Variants in ANKRD42 observed in about 807,000 individuals in gnomAD.
ANKRD42 encodes ankyrin repeat domain-containing protein 42.
In ANKRD42, 43 loss-of-function variants were observed where a neutral mutation model predicts 51.5. The ratio of observed to expected loss-of-function variants is 0.83; its 90% CI spans 0.65 to 1.08. The LOEUF (loss-of-function observed/expected upper bound fraction) is 1.08. Among genes scored for constraint, ANKRD42 ranks in the 50% least tolerant of loss-of-function variants. ANKRD42 has a pLI of 0.00. For synonymous variants in ANKRD42, 203 were observed against 213.0 expected (o/e 0.95, Z 0.41); for missense variants, 608 against 629.3 (o/e 0.97, Z 0.36).
intron 2 of ANKRD42, among the ~76,000 whole-genome samples, chr11:83,205,269 AAATG>A (rs541183493): frequency 1.0e-3 from 156 of 152,368 alleles, no homozygotes; most frequent in Admixed American, 2.5e-3. Context: ...ATTGTTGAAT[AAATG>A]AATGACTTAC....
chr11:83,231,938 A>G (rs1362466039), intron 7 of ANKRD42, among the ~76,000 whole-genome samples: 2 of 151,986 alleles, frequency 1.3e-5, no homozygotes, highest in Non-Finnish European at 2.9e-5. Context: ...AATCCCAGCT[A>G]TTGGTCTATG....
downstream of ANKRD42, among the ~76,000 whole-genome samples, chr11:83,263,189 G>A (rs1439502954): frequency 9.2e-5 from 14 of 152,104 alleles, no homozygotes. Flanking sequence ...GAGTCACATA[G>A]TGCTATCTAA....
rs986014738 is a variant in ANKRD42, at chr11:83,194,021, G to A, written c.-650G>A. The A allele has an allele frequency of 2.2e-6, 1 of 456,442 alleles. No homozygotes were observed. 28.3% of individuals were successfully genotyped at this position (456,442 alleles called of 1,614,324 possible). A position where few individuals can be genotyped will look rare whatever the true frequency, so the allele number is the denominator to read the frequency against. On this transcript the variant is annotated 5_prime_UTR_variant, in exon 1 of 11. In the 5' UTR this introduces an upstream ATG that the reference lacks. Transcript: ENST00000533342. ...AGTGCAGACGCCGGCTTCTCCCGCA[G>A]TGACTTGAGAAGGGTCAGTGAAAAC...
intron 2 of ANKRD42, 29 bp from the exon 3 acceptor site, chr11:83,206,029 A>C (rs1862056279): frequency 6.4e-7 from 1 of 1,570,218 alleles, no homozygotes; most frequent in African/African-American, 1.4e-5. Flanking sequence ...CATCCACTTT[A>C]TCACTTGTTA....
At chr11:83,212,603 G>T in intron 5 of ANKRD42, 2 of 1,379,062 alleles carry the variant, frequency 1.5e-6, no homozygotes. Context: ...ACACAAAGGG[G>T]AAGGGCAGAA....
chr11:83,210,690 C>G (rs898020778), intron 4 of ANKRD42, among the ~76,000 whole-genome samples: 1 of 152,152 alleles, frequency 6.6e-6, no homozygotes, highest in African/African-American at 2.4e-5. Flanking sequence ...GGTTAGATTA[C>G]GAAGCTTCAA....
intron 1 of ANKRD42, among the ~76,000 whole-genome samples, chr11:83,195,361 T>G (rs912248403): frequency 1.4e-4 from 21 of 152,248 alleles, no homozygotes; most frequent in African/African-American, 4.8e-4. Context: ...TAATGACAAG[T>G]GAGATCAGTG....
intron 7 of ANKRD42, among the ~76,000 whole-genome samples, chr11:83,228,112 A>G (rs1471539939): frequency 1.3e-5 from 2 of 152,040 alleles, no homozygotes; most frequent in African/African-American, 2.4e-5. Context: ...TAAAATTTCT[A>G]TAGTGACATT....
At position 83,248,930 on chromosome 11, in the gene ANKRD42, C is replaced by T; in HGVS notation, c.*726C>T. ...GTTTCTCTGGGTTTTGGTGTCTCAC[C>T]AGTGGTTGATTTTCCAAGAAATATA... is the stretch of plus-strand genomic sequence containing the variant. On this transcript the variant is annotated 3_prime_UTR_variant, in exon 11 of 11. Transcript: ENST00000533342. 1.0e-6 allele frequency: 1 copy of T among 982,538 alleles called. No homozygotes were observed. Among genetic ancestry groups the T allele is most frequent in the East Asian group, 1.1e-4 (1 of 8,804 alleles). The allele number at this position is 982,538 out of a possible 1,614,324, so 60.9% of individuals were successfully genotyped here. A position where few individuals can be genotyped will look rare whatever the true frequency, so the allele number is the denominator to read the frequency against.
chr11:83,213,013 C>G (rs750780445), intron 5 of ANKRD42: 1 of 1,599,590 alleles, frequency 6.3e-7, no homozygotes, highest in Non-Finnish European at 8.5e-7. Flanking sequence ...TCATGGCCAC[C>G]CTCAGACCCC....
chr11:83,199,645 A>T (rs1375185117), intron 2 of ANKRD42, among the ~76,000 whole-genome samples: 2 of 152,150 alleles, frequency 1.3e-5, no homozygotes, highest in East Asian at 3.8e-4. Flanking sequence ...TTTTCTCATG[A>T]TTCAAGGTTA....
At chr11:83,214,643 C>G (rs1239600927) in intron 5 of ANKRD42, 5 of 756,694 alleles carry the variant, frequency 6.6e-6, no homozygotes, top group Non-Finnish European at 8.0e-6. Flanking sequence ...TTGATACATT[C>G]ATTTGTATCA....
At chr11:83,247,013 T>A (rs520377) in intron 10 of ANKRD42, among the ~76,000 whole-genome samples, 68,824 of 151,784 alleles carry the variant, frequency 0.45, 16,136 homozygotes, top group African/African-American at 0.58. Context: ...CAGACTGATT[T>A]TTTTGTTTTT....
chr11:83,255,444 T>C (rs909633959), intron 11 of ANKRD42, among the ~76,000 whole-genome samples: 7 of 152,184 alleles, frequency 4.6e-5, no homozygotes, highest in African/African-American at 1.4e-4. Context: ...CGCAGCACTA[T>C]GGGACTGGCA....
chr11:83,245,374 A>ACC, intron 9 of ANKRD42, 124 bp from the exon 10 acceptor site: 1 of 1,020,968 alleles, frequency 9.8e-7, no homozygotes, highest in Non-Finnish European at 1.4e-6. Context: ...ACCTTCCTCC[A>ACC]CCCCCCTCTC....
intron 5 of ANKRD42, chr11:83,212,933 A>G: frequency 6.7e-7 from 1 of 1,499,766 alleles, no homozygotes; most frequent in Non-Finnish European, 8.8e-7. Flanking sequence ...ATTTAAATTG[A>G]AGTCTCAAAA....
intron 5 of ANKRD42, among the ~76,000 whole-genome samples, chr11:83,223,218 C>G (rs1862768629): frequency 6.6e-6 from 1 of 152,178 alleles, no homozygotes; most frequent in Non-Finnish European, 1.5e-5. Context: ...CCACTGCACT[C>G]CAGCCTGTGC....
rs1009969529 is a variant in ANKRD42 at position 83,222,180 on chromosome 11, G to T, written c.587-2675G>T. ...ATATTTGAATTCTGGGCTATTGCTA[G>T]TGATAATCTCAGTGCTGTATATTTG... On this transcript the variant is annotated intron_variant, in intron 5 of 10. Transcript: ENST00000533342. 2.0e-5 allele frequency among the ~76,000 whole-genome samples: 3 copies of T among 152,310 alleles called. No homozygotes were observed. The South Asian group carries it at 6.2e-4, about 32-fold the overall frequency.
chr11:83,237,745 C>A, intron 8 of ANKRD42, among the ~76,000 whole-genome samples: 1 of 152,166 alleles, frequency 6.6e-6, no homozygotes, highest in East Asian at 1.9e-4. Context: ...AATTGACACA[C>A]AATAAAATGC....
Sources: allele counts gnomAD v4.1 joint callset (sites outside exome capture counted in the v4.1 genomes callset), GRCh38; gene constraint gnomAD v4.1.1; transcripts MANE v1.5; gene names NCBI Gene and HGNC (gene_info 2026-07-23, HGNC 2026-07-21).